The following DAD1 variants were observed in gnomAD, a reference collection of about 807,000 sequenced individuals.
DAD1 encodes defender against cell death 1.
In DAD1, 4 loss-of-function variants were observed where a neutral mutation model predicts 9.0. That is an observed-to-expected ratio of 0.44 (90% CI 0.22 to 1.01). The LOEUF is 1.01. Among genes scored for constraint, DAD1 ranks in the 50% least tolerant of loss-of-function variants. DAD1 has a pLI of 0.24. For missense variants in DAD1, 119 were observed against 137.3 expected (o/e 0.87, Z 0.67); for synonymous variants, 60 against 62.5 (o/e 0.96, Z 0.19).
intron 1 of DAD1, among the ~76,000 whole-genome samples, chr14:22,580,412 T>C (rs933059664): frequency 6.7e-6 from 1 of 150,178 alleles, no homozygotes; most frequent in Admixed American, 6.6e-5. Flanking sequence ...GGGAGACAAA[T>C]CAAGACCGTC....
At chr14:22,573,182 T>C (rs1194661680) in intron 2 of DAD1, among the ~76,000 whole-genome samples, 1 of 121,586 alleles carries the variant, frequency 8.2e-6, no homozygotes, top group East Asian at 2.0e-4. Flanking sequence ...CACTTTTGGG[T>C]TTTTTTTTTT....
In DAD1 at chr14:22,578,569, A is replaced by G. The variant is rs183338994; in HGVS notation, c.212-3336T>C. Among the ~76,000 whole-genome samples the G allele has an allele frequency of 1.6e-3, 237 of 152,352 alleles. 3 individuals carry two copies. The highest frequency in any genetic ancestry group is 5.0e-3 in the African/African-American group (207 of 41,584). ...GCAAGAGAGACTCCGTCTCAAAACA[A>G]AACAAAACAAAAAAGTATATGCTAT... On this transcript the variant is annotated intron_variant, in intron 1 of 2. Transcript: ENST00000250498.
intron 1 of DAD1, among the ~76,000 whole-genome samples, chr14:22,587,301 G>A (rs2037160242): frequency 1.3e-5 from 2 of 152,140 alleles, no homozygotes; most frequent in Admixed American, 1.3e-4. Flanking sequence ...TTTAAAATCA[G>A]CTTTCAGACC....
chr14:22,584,244 C>T (rs1419287024), intron 1 of DAD1, among the ~76,000 whole-genome samples: 2 of 152,118 alleles, frequency 1.3e-5, no homozygotes, highest in Admixed American at 6.6e-5. Context: ...ATACAGTGTT[C>T]AGCACTGAGG....
intron 1 of DAD1, among the ~76,000 whole-genome samples, chr14:22,582,857 T>A (rs1481822443): frequency 6.6e-6 from 1 of 151,640 alleles, no homozygotes; most frequent in Non-Finnish European, 1.5e-5. Context: ...AATACAAAAA[T>A]TAGCCGGGCA....
At chr14:22,569,156 C>T (rs1050249994) in intron 2 of DAD1, among the ~76,000 whole-genome samples, 2 of 152,124 alleles carry the variant, frequency 1.3e-5, no homozygotes, top group African/African-American at 2.4e-5. Context: ...TTTATTTGGC[C>T]GGGCACAGTG....
intron 2 of DAD1, among the ~76,000 whole-genome samples, chr14:22,572,540 T>C (rs952686581): frequency 6.6e-6 from 1 of 152,302 alleles, no homozygotes; most frequent in South Asian, 2.1e-4. Context: ...GATTTTGCTA[T>C]GCTTTGGGCC....
chr14:22,572,602 A>T (rs1479324344), intron 2 of DAD1, among the ~76,000 whole-genome samples: 1 of 152,204 alleles, frequency 6.6e-6, no homozygotes, highest in Non-Finnish European at 1.5e-5. Context: ...GGTCTGCAGT[A>T]CACAGTTTCT....
chr14:22,583,005 C>CAA lies in DAD1; in HGVS notation c.211+5940_211+5941dup, dbSNP rs60692589. On this transcript the variant is annotated intron_variant, in intron 1 of 2. Coordinates refer to ENST00000250498, the MANE Select transcript of DAD1 (RefSeq NM_001344.4). ...TGGGTGACAGAGTGAGACTATGTCT[C>CAA]AAAAAAAAAAAAAAAAAAACCACAA... Among the ~76,000 whole-genome samples, 251 of 91,462 alleles carry CAA rather than the reference C, an allele frequency of 2.7e-3. 2 individuals carry two copies. Among genetic ancestry groups the CAA allele is most frequent in the East Asian group, 0.011 (35 of 3,088 alleles). The allele number at this position is 91,462 out of a possible 152,430, so 60.0% of individuals were successfully genotyped here. A position where few individuals can be genotyped will look rare whatever the true frequency, so the allele number is the denominator to read the frequency against.
intron 1 of DAD1, among the ~76,000 whole-genome samples, chr14:22,575,871 T>G (rs1282551353): frequency 6.6e-6 from 1 of 152,176 alleles, no homozygotes; most frequent in African/African-American, 2.4e-5. Flanking sequence ...ACACACTGGC[T>G]GGCCAAACCA....
At chr14:22,573,624 G>A (rs2139239213) in intron 2 of DAD1, among the ~76,000 whole-genome samples, 1 of 149,586 alleles carries the variant, frequency 6.7e-6, no homozygotes, top group Non-Finnish European at 1.5e-5. Context: ...GCAGGAGAAT[G>A]GCATGAACTC....
chr14:22,584,450 G>C (rs1414522654), intron 1 of DAD1, among the ~76,000 whole-genome samples: 2 of 152,108 alleles, frequency 1.3e-5, no homozygotes, highest in Admixed American at 1.3e-4. Context: ...GCATAGTGCT[G>C]TGTGCCTATA....
At chr14:22,574,341 G>A (rs1441654273) in intron 2 of DAD1, among the ~76,000 whole-genome samples, 4 of 152,040 alleles carry the variant, frequency 2.6e-5, no homozygotes, top group African/African-American at 4.8e-5. Flanking sequence ...GGGAGGGAGC[G>A]ATTTAGGGGA....
chr14:22,587,656 T>C (rs2037162482), intron 1 of DAD1, among the ~76,000 whole-genome samples: 1 of 152,144 alleles, frequency 6.6e-6, no homozygotes, highest in South Asian at 2.1e-4. Context: ...TTCTAAGAAA[T>C]ATCTCTGGTG....
intron 1 of DAD1, among the ~76,000 whole-genome samples, chr14:22,588,610 A>G (rs1820710161): frequency 6.6e-6 from 1 of 152,256 alleles, no homozygotes. Context: ...TGGGTTTTTC[A>G]TTTGAAAAGT....
chr14:22,584,130 G>A (rs547816653), intron 1 of DAD1, among the ~76,000 whole-genome samples: 2 of 152,162 alleles, frequency 1.3e-5, no homozygotes, highest in South Asian at 2.1e-4. Context: ...TAGAAGCCAC[G>A]TCTGTGTGCT....
intron 1 of DAD1, among the ~76,000 whole-genome samples, chr14:22,584,960 G>A (rs2037142638): frequency 6.6e-6 from 1 of 152,220 alleles, no homozygotes; most frequent in African/African-American, 2.4e-5. Flanking sequence ...AACAGAGGAT[G>A]AAAAAGTAGC....
At chr14:22,573,535 T>C (rs577766068) in intron 2 of DAD1, among the ~76,000 whole-genome samples, 76 of 151,762 alleles carry the variant, frequency 5.0e-4, no homozygotes, top group East Asian at 1.4e-3. Context: ...ACGGTGAAAC[T>C]CCGTCTCTAC....
chr14:22,574,213 TGGCCAGGGAA>T (rs2037062037), intron 2 of DAD1, among the ~76,000 whole-genome samples: 1 of 152,226 alleles, frequency 6.6e-6, no homozygotes, highest in Non-Finnish European at 1.5e-5. Flanking sequence ...CTTAACTATG[TGGCCAGGGAA>T]GGCCAATGGA....
Sources: allele counts gnomAD v4.1 joint callset (sites outside exome capture counted in the v4.1 genomes callset), GRCh38; gene constraint gnomAD v4.1.1; transcripts MANE v1.5; gene names NCBI Gene and HGNC (gene_info 2026-07-23, HGNC 2026-07-21).